Variants in SNRK observed in about 807,000 individuals in gnomAD.
SNRK encodes the protein SNF related kinase, also known as SNF-related serine/threonine-protein kinase.
Under a neutral mutation model 48.2 loss-of-function variants are expected in SNRK, and 3 were observed. That is an observed-to-expected ratio of 0.06 (90% CI 0.03 to 0.16). The LOEUF is 0.16. Among genes scored for constraint, SNRK ranks in the 10% least tolerant of loss-of-function variants. The probability of loss-of-function intolerance (pLI) is 1.00; values close to 1 mark genes in which losing one functional copy is unlikely to be tolerated. For synonymous variants in SNRK, 376 were observed against 366.1 expected, an observed-to-expected ratio of 1.03 and a Z score of -0.31; for missense variants, 627 against 976.0, an observed-to-expected ratio of 0.64 and a Z score of 4.76.
intron 1 of SNRK, among the ~76,000 whole-genome samples, chr3:43,296,377 C>T (rs556405849): frequency 2.2e-5 from 3 of 138,322 alleles, no homozygotes; most frequent in Non-Finnish European, 4.5e-5. Context: ...TTTGCAAAAA[C>T]TCAACTTTTA....
At position 43,348,513 on chromosome 3, in the gene SNRK, C is replaced by T. The variant is rs1251625669; in HGVS notation, c.2254C>T (p.Leu752=). The T allele has an allele frequency of 1.9e-6, 3 of 1,563,820 alleles. No homozygotes were observed. The highest frequency in any genetic ancestry group is 2.6e-6 in the Non-Finnish European group (3 of 1,158,122). The change falls in exon 7 of 7, where the codon CTG becomes TTG. Residue 752 remains leucine (L), a synonymous_variant. Coordinates refer to ENST00000296088, the MANE Select transcript of SNRK (RefSeq NM_017719.5). ...CATCCAGCGGAACCCTAAGGAGGGG[C>T]TGCTGTGCGCATCCAGCCCAGCCAG... ...VNIQRNPKEG[L]LCASSPASCC...
At position 43,347,959 on chromosome 3, in the gene SNRK, G is replaced by A. The variant is rs759911370; in HGVS notation, c.1700G>A (p.Arg567Gln). The change falls in exon 7 of 7, where the codon CGG (arginine) becomes CAG (glutamine). Residue 567 changes from arginine to glutamine, a missense_variant. Transcript: ENST00000296088. The surrounding 1 kb of genome is among the most constrained non-coding windows in gnomAD (Gnocchi z 5.4). ...DSGFTYSWHRRDSSEGPPGSE... is the reference protein window; with the variant it reads ...DSGFTYSWHRQDSSEGPPGSE... ...GGGTTCACCTACTCCTGGCACCGACGGGATAGCAGCGAGGGGCCCCCTGGC... is the reference window on the plus strand; with the variant it reads ...GGGTTCACCTACTCCTGGCACCGACAGGATAGCAGCGAGGGGCCCCCTGGC... The A allele has an allele frequency of 7.4e-6, 12 of 1,613,970 alleles. No individual in the cohort carries two copies. The highest frequency in any genetic ancestry group is 1.7e-5 in the Admixed American group (1 of 60,014).
rs1406289701 is a variant in SNRK at position 43,303,581 on chromosome 3, T to C, written c.378T>C (p.Ala126=). The C allele has an allele frequency of 1.7e-5, 27 of 1,614,134 alleles. No homozygotes were observed. Among genetic ancestry groups the C allele is most frequent in the Non-Finnish European group, 2.3e-5 (27 of 1,180,006 alleles). Reference sequence around the variant, plus strand: ...AGTATTTTGCTCAGATAGTTCATGCTATATCTTATTGCCATAAACTCCATG... The same window carrying C: ...AGTATTTTGCTCAGATAGTTCATGCCATATCTTATTGCCATAAACTCCATG... ...AKKYFAQIVH[A]ISYCHKLHVV... is the part of the protein sequence containing the mutation. The change falls in exon 3 of 7, where the codon GCT becomes GCC. Residue 126 remains alanine, a synonymous_variant. Transcript: ENST00000296088. This position sits in a 1 kb window ranked among gnomAD's most constrained non-coding sequence, Gnocchi z 6.2.
chr3:43,290,578 C>G (rs2090804007), intron 1 of SNRK, among the ~76,000 whole-genome samples: 1 of 152,186 alleles, frequency 6.6e-6, no homozygotes, highest in South Asian at 2.1e-4. Flanking sequence ...ATACCAGCTG[C>G]CCTCATTTTT....
chr3:43,313,356 T>TC (rs1405995696), intron 3 of SNRK, among the ~76,000 whole-genome samples: 1 of 152,200 alleles, frequency 6.6e-6, no homozygotes, highest in East Asian at 1.9e-4. Flanking sequence ...TGTGGTGTAT[T>TC]CATACCATGG....
intron 1 of SNRK, among the ~76,000 whole-genome samples, chr3:43,293,598 A>G (rs1471951723): frequency 1.3e-5 from 2 of 152,144 alleles, no homozygotes; most frequent in Non-Finnish European, 2.9e-5. Flanking sequence ...ATACATTCAT[A>G]CAGATTATAT....
intron 3 of SNRK, among the ~76,000 whole-genome samples, chr3:43,322,829 G>A (rs2091064235): frequency 6.6e-6 from 1 of 151,430 alleles, no homozygotes; most frequent in South Asian, 2.1e-4. Context: ...GTGGGTGCCT[G>A]TAGTCCCAGC....
At chr3:43,332,451 T>G (rs912998609) in intron 4 of SNRK, 141 bp downstream of exon 4, 1 of 509,744 alleles carries the variant, frequency 2.0e-6, no homozygotes, top group Non-Finnish European at 3.1e-6. Context: ...AATTTAATAT[T>G]TCTGCTGTTG....
intron 4 of SNRK, among the ~76,000 whole-genome samples, chr3:43,337,721 G>A (rs1013474126): frequency 6.6e-6 from 1 of 152,114 alleles, no homozygotes; most frequent in African/African-American, 2.4e-5. Flanking sequence ...GAAAGTGAAG[G>A]GGAAGCAAGG....
chr3:43,344,806 G>T (rs910127617), intron 6 of SNRK, among the ~76,000 whole-genome samples: 4 of 151,968 alleles, frequency 2.6e-5, no homozygotes, highest in African/African-American at 9.7e-5. Context: ...GAGCTCCCTG[G>T]CAAGAAAGAG....
At chr3:43,296,415 C>CATATATATATATATGTAT (rs1553632568) in intron 1 of SNRK, among the ~76,000 whole-genome samples, 1 of 127,242 alleles carries the variant, frequency 7.9e-6, no homozygotes, top group African/African-American at 3.4e-5. Context: ...GATATACTGG[C>CATATATATATATATGTAT]ATATATATAT....
chr3:43,295,579 C>T (rs2090846232), intron 1 of SNRK, among the ~76,000 whole-genome samples: 1 of 152,182 alleles, frequency 6.6e-6, no homozygotes, highest in Non-Finnish European at 1.5e-5. Flanking sequence ...AGACTGGTAA[C>T]TGCATAACCA....
chr3:43,327,021 T>G (rs1054860350), intron 3 of SNRK, among the ~76,000 whole-genome samples: 19 of 152,204 alleles, frequency 1.2e-4, no homozygotes, highest in African/African-American at 4.3e-4. Flanking sequence ...CTCTTCTGCT[T>G]CTTTCGTATG....
rs777540930 is a variant in SNRK, at chr3:43,303,806, G to T, written c.589+14G>T. 5.1e-6 allele frequency: 8 copies of T among 1,572,764 alleles called. No homozygotes were observed. The South Asian group carries it at 9.0e-5, about 18-fold the overall frequency. On this transcript the variant is annotated intron_variant, in intron 3 of 6. Transcript: ENST00000296088. This position sits in a 1 kb window ranked among gnomAD's most constrained non-coding sequence, Gnocchi z 6.2. Reference sequence around the variant, plus strand: ...CACCTGCAGTAGGTAGGTAACCTCGGTCCAGTATTTGGCCATTTGAATTCT... The same window carrying T: ...CACCTGCAGTAGGTAGGTAACCTCGTTCCAGTATTTGGCCATTTGAATTCT...
In SNRK at chr3:43,332,212, G is replaced by A; in HGVS notation, c.633G>A (p.Gly211=). 1 of 1,600,842 alleles carries A rather than the reference G, an allele frequency of 6.2e-7. No homozygotes were observed. The highest frequency in any genetic ancestry group is 1.1e-5 in the South Asian group (1 of 87,712). Residue 211 remains glycine, a synonymous_variant, in exon 4 of 7, where the codon GGG becomes GGA. Coordinates refer to ENST00000296088, the MANE Select transcript of SNRK (RefSeq NM_017719.5). ...TGATCCTTTTCATGTTGGTGTGTGG[G>A]CAGCCGCCCTTTCAAGAAGCCAATG... ...LGVILFMLVC[G]QPPFQEANDS... is the part of the protein sequence containing the mutation.
intron 1 of SNRK, among the ~76,000 whole-genome samples, chr3:43,295,021 C>T (rs2090841777): frequency 6.6e-6 from 1 of 152,110 alleles, no homozygotes; most frequent in Non-Finnish European, 1.5e-5. Flanking sequence ...CTGGAGTTGT[C>T]ACCATACTAA....
intron 3 of SNRK, among the ~76,000 whole-genome samples, chr3:43,310,423 G>A (rs2090971059): frequency 6.6e-6 from 1 of 151,762 alleles, no homozygotes; most frequent in Non-Finnish European, 1.5e-5. Context: ...ATAAGAATCC[G>A]TTTGTTTTTA....
Position 43,347,418 on chromosome 3 carries a change from G to T in SNRK, c.1159G>T (p.Val387Phe). Reference protein sequence around the residue: ...LTATPLSHATVPQSPARAADS... With the variant: ...LTATPLSHATFPQSPARAADS... ...GGCCACTCCTTTGTCCCACGCGACT[G>T]TCCCTCAGTCTCCTGCTCGGGCTGC... The change falls in exon 7 of 7, where the codon GTC (valine) becomes TTC (phenylalanine). Residue 387 changes from valine to phenylalanine, a missense_variant. By Grantham distance (50) the Val-to-Phe change is conservative (BLOSUM62 -1). Coordinates refer to ENST00000296088, the MANE Select transcript of SNRK (RefSeq NM_017719.5). This position sits in a 1 kb window ranked among gnomAD's most constrained non-coding sequence, Gnocchi z 5.4. The T allele has an allele frequency of 6.2e-7, 1 of 1,613,942 alleles. No individual in the cohort carries two copies. The highest frequency in any genetic ancestry group is 8.5e-7 in the Non-Finnish European group (1 of 1,179,938).
At chr3:43,341,363 G>A (rs1220788407) in intron 5 of SNRK, among the ~76,000 whole-genome samples, 1 of 152,074 alleles carries the variant, frequency 6.6e-6, no homozygotes, top group Non-Finnish European at 1.5e-5. Flanking sequence ...GTGTTAGCCA[G>A]GATGGTCTCG....
Sources: allele counts gnomAD v4.1 joint callset (sites outside exome capture counted in the v4.1 genomes callset), GRCh38; gene constraint gnomAD v4.1.1; non-coding constraint Gnocchi (gnomAD v3.1); transcripts MANE v1.5; gene names NCBI Gene and HGNC (gene_info 2026-07-23, HGNC 2026-07-21).